LCLAT1: variants seen among roughly 807,000 people sequenced by gnomAD.
The protein encoded by LCLAT1 is lysocardiolipin acyltransferase 1, also known as 1-AGP acyltransferase 8.
A neutral mutation model predicts 30.7 loss-of-function variants in LCLAT1; 11 were observed. The observed-to-expected ratio is 0.36, with a 90% CI of 0.23 to 0.59. LCLAT1 has a LOEUF of 0.59. Ranked by LOEUF, LCLAT1 falls within the 20% of genes least tolerant of loss-of-function variation. The probability of loss-of-function intolerance (pLI) is 0.77; values close to 1 mark genes in which losing one functional copy is unlikely to be tolerated. For synonymous variants in LCLAT1, 155 were observed against 151.3 expected (o/e 1.02, Z -0.18); for missense variants, 402 against 458.6 (o/e 0.88, Z 1.13).
chr2:30,513,984 GT>G (rs1411964265), intron 1 of LCLAT1, among the ~76,000 whole-genome samples: 12 of 152,342 alleles, frequency 7.9e-5, no homozygotes, highest in African/African-American at 2.9e-4. Flanking sequence ...ACGGGTGCCT[GT>G]TCTCAACCTT....
At chr2:30,458,238 G>A (rs916107657) in intron 1 of LCLAT1, among the ~76,000 whole-genome samples, 4 of 152,228 alleles carry the variant, frequency 2.6e-5, no homozygotes, top group African/African-American at 7.2e-5. Context: ...AGTTAGAATA[G>A]CATCCTGGTA....
chr2:30,584,566 C>A (rs1666345932), intron 5 of LCLAT1, among the ~76,000 whole-genome samples: 1 of 152,124 alleles, frequency 6.6e-6, no homozygotes, highest in South Asian at 2.1e-4. Flanking sequence ...TGACAATATC[C>A]TGGAAGGTTC....
intron 1 of LCLAT1, among the ~76,000 whole-genome samples, chr2:30,458,696 G>A (rs752108322): frequency 6.6e-6 from 1 of 152,150 alleles, no homozygotes; most frequent in Non-Finnish European, 1.5e-5. Context: ...CTGAAGAAAG[G>A]ATACTCAGAA....
chr2:30,479,752 T>C (rs938009625), intron 1 of LCLAT1, among the ~76,000 whole-genome samples: 3 of 152,212 alleles, frequency 2.0e-5, no homozygotes, highest in African/African-American at 7.2e-5. Flanking sequence ...TTAGGATTTG[T>C]GTATTTTACT....
At chr2:30,625,705 T>G (rs1668476161) in intron 5 of LCLAT1, among the ~76,000 whole-genome samples, 1 of 152,210 alleles carries the variant, frequency 6.6e-6, no homozygotes, top group Non-Finnish European at 1.5e-5. Context: ...TACAAGAATG[T>G]AATTTAAACA....
In LCLAT1 at chr2:30,641,838, C is replaced by G. The variant is rs1421282308; in HGVS notation, c.*1219C>G. On this transcript the variant is annotated 3_prime_UTR_variant, in exon 6 of 6. Transcript: ENST00000379509. ...CAGCACACCAAGCACCAGTCTTCTT[C>G]TGAGGCAAAAGAAAAGTGTTGTCAT... 1.3e-5 allele frequency: 2 copies of G among 151,668 alleles called. No homozygotes were observed. Among genetic ancestry groups the G allele is most frequent in the East Asian group, 3.9e-4 (2 of 5,170 alleles). The allele number at this position is 151,668 out of a possible 1,614,324, so 9.4% of individuals were successfully genotyped here.
chr2:30,569,589 C>A (rs1665679872), intron 5 of LCLAT1, among the ~76,000 whole-genome samples: 1 of 117,762 alleles, frequency 8.5e-6, no homozygotes, highest in African/African-American at 3.2e-5. Flanking sequence ...AGTCTTGAAC[C>A]ATTATGTAAG....
chr2:30,601,843 TACA>T (rs1365021990), intron 5 of LCLAT1, among the ~76,000 whole-genome samples: 3 of 150,822 alleles, frequency 2.0e-5, no homozygotes, highest in Non-Finnish European at 4.4e-5. Context: ...TATATTTATC[TACA>T]ACAAAACAAG....
At chr2:30,567,228 A>G (rs1665527821) in intron 4 of LCLAT1, among the ~76,000 whole-genome samples, 1 of 152,186 alleles carries the variant, frequency 6.6e-6, no homozygotes, top group African/African-American at 2.4e-5. Flanking sequence ...TTGAATGTTG[A>G]CTTTCATGAA....
At chr2:30,558,858 C>T (rs6736072) in intron 3 of LCLAT1, among the ~76,000 whole-genome samples, 1 of 152,150 alleles carries the variant, frequency 6.6e-6, no homozygotes, top group Non-Finnish European at 1.5e-5. Context: ...TGCTGGTTAT[C>T]TACTTAGCAG....
At chr2:30,629,452 TG>T (rs1668664771) in intron 5 of LCLAT1, among the ~76,000 whole-genome samples, 1 of 152,010 alleles carries the variant, frequency 6.6e-6, no homozygotes, top group African/African-American at 2.4e-5. Flanking sequence ...CCCAGCCACT[TG>T]GGAGGCTGAG....
chr2:30,462,344 G>A (rs562877560), intron 1 of LCLAT1, among the ~76,000 whole-genome samples: 56 of 152,282 alleles, frequency 3.7e-4, no homozygotes, highest in Admixed American at 1.2e-3. Flanking sequence ...AAGAATGTCC[G>A]TATAAAAATA....
intron 1 of LCLAT1, among the ~76,000 whole-genome samples, chr2:30,488,005 A>T (rs534839511): frequency 1.3e-3 from 198 of 152,338 alleles, no homozygotes; most frequent in African/African-American, 4.7e-3. Context: ...AAAACCATGG[A>T]GTTGTACACT....
intron 1 of LCLAT1, among the ~76,000 whole-genome samples, chr2:30,493,275 T>C (rs1683921343): frequency 6.6e-6 from 1 of 152,218 alleles, no homozygotes; most frequent in Non-Finnish European, 1.5e-5. Flanking sequence ...CAGTAACTTT[T>C]GTAAAGTCTG....
chr2:30,552,390 G>T, intron 3 of LCLAT1: 2 of 315,250 alleles, frequency 6.3e-6, no homozygotes, highest in Non-Finnish European at 1.3e-5. Flanking sequence ...CCACTTTTTG[G>T]TGTGTCAAGT....
chr2:30,568,456 A>G (rs61301660), intron 5 of LCLAT1, among the ~76,000 whole-genome samples: 26 of 151,042 alleles, frequency 1.7e-4, no homozygotes, highest in Admixed American at 1.1e-3. Flanking sequence ...GAGTTAGGCT[A>G]TAATTCCATT....
At position 30,598,694 on chromosome 2, in the gene LCLAT1, G is replaced by C. The variant is rs142174735; in HGVS notation, c.628+30518G>C. ...CTTGGCTATTTCTTGTCTTCTGCTA[G>C]CTTTGGAGTGTGTTTGCTCTTGGTT... On this transcript the variant is annotated intron_variant, in intron 5 of 5. Transcript: ENST00000379509. 6.6e-4 allele frequency among the ~76,000 whole-genome samples: 101 copies of C among 152,108 alleles called. No homozygotes were observed. The East Asian group carries it at 0.016, about 24-fold the overall frequency.
intron 3 of LCLAT1, among the ~76,000 whole-genome samples, chr2:30,561,113 T>G (rs1308277164): frequency 6.6e-6 from 1 of 152,072 alleles, no homozygotes; most frequent in Non-Finnish European, 1.5e-5. Flanking sequence ...GGCTAATTTT[T>G]TGTATTTTTA....
At chr2:30,624,977 A>G (rs1056269791) in intron 5 of LCLAT1, among the ~76,000 whole-genome samples, 1 of 152,190 alleles carries the variant, frequency 6.6e-6, no homozygotes, top group African/African-American at 2.4e-5. Context: ...AAACCATGCA[A>G]ATACATGGAC....
Sources: gnomAD v4.1 joint callset for allele counts (sites outside exome capture counted in the v4.1 genomes callset) on GRCh38, gnomAD v4.1.1 for gene constraint, MANE v1.5 for transcripts, NCBI Gene and HGNC (gene_info 2026-07-23, HGNC 2026-07-21) for gene names.